The following FREM2 variants were observed in gnomAD, a reference collection of about 807,000 sequenced individuals.
FREM2 encodes the protein FRAS1-related extracellular matrix protein 2.
Under a neutral mutation model 219.9 loss-of-function variants are expected in FREM2, and 119 were observed. That is an observed-to-expected ratio of 0.54 (90% CI 0.47 to 0.63). The LOEUF (loss-of-function observed/expected upper bound fraction) is 0.63, where lower values mean the gene tolerates loss of function less well. FREM2 is among the 30% of genes least tolerant of loss of function. FREM2 has a pLI of 0.00. For synonymous variants in FREM2, 1,562 were observed against 1,522.8 expected (o/e 1.03, Z -0.60); for missense variants, 4,030 against 3,993.6 (o/e 1.01, Z -0.25).
intron 6 of FREM2, 132 bp downstream of exon 6, chr13:38,784,940 T>C (rs1369466165): frequency 2.9e-6 from 3 of 1,032,160 alleles, no homozygotes; most frequent in Non-Finnish European, 2.8e-6. Context: ...TTTTTTCATA[T>C]GATTAGGTTT....
At chr13:38,765,120 C>T (rs541254634) in intron 3 of FREM2, among the ~76,000 whole-genome samples, 1 of 152,142 alleles carries the variant, frequency 6.6e-6, no homozygotes, top group Non-Finnish European at 1.5e-5. Context: ...CCGTGTTAGC[C>T]AGGATAGTCT....
At chr13:38,782,238 A>G (rs1040891135) in intron 4 of FREM2, among the ~76,000 whole-genome samples, 21 of 152,356 alleles carry the variant, frequency 1.4e-4, no homozygotes, top group African/African-American at 4.8e-4. Flanking sequence ...CTGTGAAACA[A>G]ACTCCCAGTC....
intron 6 of FREM2, among the ~76,000 whole-genome samples, chr13:38,824,611 G>A (rs1013440495): frequency 1.3e-5 from 2 of 152,014 alleles, no homozygotes; most frequent in Admixed American, 6.6e-5. Flanking sequence ...GGTTGGGTCA[G>A]AGATGAAATC....
chr13:38,824,350 T>C (rs775933941), intron 6 of FREM2, among the ~76,000 whole-genome samples: 13 of 152,126 alleles, frequency 8.5e-5, no homozygotes, highest in Admixed American at 4.6e-4. Context: ...GGGATAATTA[T>C]CTAACCCTTC....
chr13:38,869,327 A>G (rs1453822495), intron 16 of FREM2, among the ~76,000 whole-genome samples: 2 of 152,198 alleles, frequency 1.3e-5, no homozygotes, highest in Non-Finnish European at 2.9e-5. Context: ...GTTAACAGCA[A>G]TGAAGTGTGA....
chr13:38,751,659 A>T (rs1159094236), intron 2 of FREM2, among the ~76,000 whole-genome samples: 1 of 152,202 alleles, frequency 6.6e-6, no homozygotes, highest in Non-Finnish European at 1.5e-5. Flanking sequence ...ATGTATGTAT[A>T]GTATTTGGTT....
chr13:38,719,103 G>T (rs1189168004), intron 2 of FREM2, among the ~76,000 whole-genome samples: 3 of 152,182 alleles, frequency 2.0e-5, no homozygotes, highest in Admixed American at 1.3e-4. Flanking sequence ...TCAGGGCTGT[G>T]TTCATCTGGA....
chr13:38,764,353 C>A lies in FREM2; in HGVS notation c.5313C>A (p.Ile1771=). 1 of 1,608,156 alleles carries A rather than the reference C, an allele frequency of 6.2e-7. No individual in the cohort carries two copies. Among genetic ancestry groups the A allele is most frequent in the Non-Finnish European group, 8.5e-7 (1 of 1,174,790 alleles). ...YQNFRLNWAW[I]SFEKEYYLVN... The stretch of plus-strand genomic sequence containing the variant: ...ATTTTCGTCTGAATTGGGCATGGAT[C>A]TCCTTTGAAAAGGAATATTACCTGG... The change falls in exon 3 of 24, where the codon ATC becomes ATA. Residue 1771 remains isoleucine (I), a synonymous_variant. Coordinates refer to ENST00000280481, the MANE Select transcript of FREM2 (RefSeq NM_207361.6).
At chr13:38,839,996 T>C (rs529991363) in intron 6 of FREM2, among the ~76,000 whole-genome samples, 44 of 152,164 alleles carry the variant, frequency 2.9e-4, no homozygotes, top group Admixed American at 1.9e-3. Context: ...TGGGCACCAC[T>C]GAGGTATGAA....
At chr13:38,816,663 A>G (rs1174123384) in intron 6 of FREM2, among the ~76,000 whole-genome samples, 1 of 151,946 alleles carries the variant, frequency 6.6e-6, no homozygotes, top group Admixed American at 6.6e-5. Flanking sequence ...TAAGGTCAGG[A>G]ACTAGACAAA....
At chr13:38,748,676 A>T (rs991182504) in intron 2 of FREM2, among the ~76,000 whole-genome samples, 1 of 152,170 alleles carries the variant, frequency 6.6e-6, no homozygotes, top group Non-Finnish European at 1.5e-5. Context: ...TGCAGGTAAG[A>T]ATGTTGTTTA....
intron 2 of FREM2, among the ~76,000 whole-genome samples, chr13:38,711,977 T>C (rs2138096170): frequency 6.9e-6 from 1 of 145,078 alleles, no homozygotes; most frequent in Admixed American, 7.1e-5. Context: ...TGGAGTGCAG[T>C]GGTGTGATCT....
chr13:38,862,371 T>C (rs528940693), intron 15 of FREM2, among the ~76,000 whole-genome samples: 1 of 152,298 alleles, frequency 6.6e-6, no homozygotes, highest in Non-Finnish European at 1.5e-5. Context: ...ATAATGTTGG[T>C]CCCTGAACCA....
rs139263840 is a variant in FREM2 at position 38,720,219 on chromosome 13, T to C, written c.5263+22432T>C. ...TGTACAAACAGTACTGTGACTTTCCTTTTATCTATTTTCTGAATTATTAAT... is the reference window on the plus strand; with the variant it reads ...TGTACAAACAGTACTGTGACTTTCCCTTTATCTATTTTCTGAATTATTAAT... On this transcript the variant is annotated intron_variant, in intron 2 of 23. Transcript: ENST00000280481. Among the ~76,000 whole-genome samples, 668 of 152,216 alleles carry C rather than the reference T, an allele frequency of 4.4e-3. 6 individuals are homozygous for C. The highest frequency in any genetic ancestry group is 0.016 in the African/African-American group (645 of 41,556).
chr13:38,850,896 G>A (rs1282958157), intron 9 of FREM2, 48 bp from the exon 10 acceptor site: 1 of 1,599,190 alleles, frequency 6.3e-7, no homozygotes, highest in Non-Finnish European at 8.5e-7. Context: ...TCTAGTTGTA[G>A]ATATATTCCT....
rs1555268805 is a variant in FREM2 at position 38,807,189 on chromosome 13, T to TATATATATATATATATATA, written c.6019+22381_6019+22382insATATATATATATATATATA. On this transcript the variant is annotated intron_variant, in intron 6 of 23. Coordinates refer to ENST00000280481, the MANE Select transcript of FREM2 (RefSeq NM_207361.6). ...CCTTTTTGCAGAGATCTTGTCTCTG[T>TATATATATATATATATATA]TATATATATATATATATATATATAT... is the stretch of plus-strand genomic sequence containing the variant. Among the ~76,000 whole-genome samples, 106 of 45,376 alleles carry TATATATATATATATATATA rather than the reference T, an allele frequency of 2.3e-3. 23 individuals carry two copies. The highest frequency in any genetic ancestry group is 3.2e-3 in the Non-Finnish European group (71 of 22,412). 29.8% of individuals were successfully genotyped at this position (45,376 alleles called of 152,430 possible). A position where few individuals can be genotyped will look rare whatever the true frequency, so the allele number is the denominator to read the frequency against.
Position 38,687,363 on chromosome 13 carries a change from C to G in FREM2, c.19C>G (p.Pro7Ala), listed in dbSNP as rs761795500. 5 of 1,607,366 alleles carry G rather than the reference C, an allele frequency of 3.1e-6. No homozygotes were observed. Among genetic ancestry groups the G allele is most frequent in the Non-Finnish European group, 3.4e-6 (4 of 1,177,378 alleles). Residue 7 changes from proline (P) to alanine (A), a missense_variant, in exon 1 of 24, where the codon CCC becomes GCC. Pro to Ala is a conservative substitution (Grantham distance 27, BLOSUM62 -1). This residue lies in a region of FREM2 where 3,102 missense variants were observed against 2,950.7 expected (regional missense o/e 1.05). Coordinates refer to ENST00000280481, the MANE Select transcript of FREM2 (RefSeq NM_207361.6). MHSAGT[P>A]GLSSRRTGNS... ...CGGGACCATGCACTCAGCCGGGACT[C>G]CCGGGTTATCCTCGCGCCGGACAGG... is the stretch of plus-strand genomic sequence containing the variant.
intron 20 of FREM2, among the ~76,000 whole-genome samples, chr13:38,876,769 T>A (rs1212275145): frequency 6.6e-6 from 1 of 152,214 alleles, no homozygotes; most frequent in African/African-American, 2.4e-5. Context: ...TAATTGCCAT[T>A]ATGTATTATA....
intron 1 of FREM2, among the ~76,000 whole-genome samples, chr13:38,696,798 T>G (rs1870124645): frequency 6.6e-6 from 1 of 150,464 alleles, no homozygotes. Context: ...CTGCCATGAA[T>G]AAAGGTTTCC....
Sources: allele counts gnomAD v4.1 joint callset (sites outside exome capture counted in the v4.1 genomes callset), GRCh38; gene constraint gnomAD v4.1.1; regional missense constraint gnomAD v4.1.1; transcripts MANE v1.5; gene names NCBI Gene and HGNC (gene_info 2026-07-23, HGNC 2026-07-21).